FMNL2: variants seen among roughly 807,000 people sequenced by gnomAD.
FMNL2 encodes formin-like protein 2.
Under a neutral mutation model 130.2 loss-of-function variants are expected in FMNL2, and 51 were observed. The observed-to-expected ratio is 0.39, with a 90% CI of 0.31 to 0.49. The LOEUF (loss-of-function observed/expected upper bound fraction) is 0.49, where lower values mean the gene tolerates loss of function less well. FMNL2 is among the 20% of genes least tolerant of loss of function. FMNL2 has a pLI of 0.85. For synonymous variants in FMNL2, 465 were observed against 467.1 expected, an observed-to-expected ratio of 1.00 and a Z score of 0.06; for missense variants, 977 against 1,316.2, an observed-to-expected ratio of 0.74 and a Z score of 3.99.
intron 2 of FMNL2, among the ~76,000 whole-genome samples, chr2:152,531,807 C>T (rs1196145184): frequency 2.0e-5 from 3 of 152,116 alleles, no homozygotes; most frequent in Non-Finnish European, 4.4e-5. Flanking sequence ...TCACTGGAGC[C>T]TGGGTTTAAG....
At chr2:152,481,844 A>G (rs952101237) in intron 1 of FMNL2, among the ~76,000 whole-genome samples, 3 of 152,178 alleles carry the variant, frequency 2.0e-5, no homozygotes, top group Non-Finnish European at 4.4e-5. Context: ...GCTGATCGGG[A>G]AAATTAGTTG....
intron 21 of FMNL2, among the ~76,000 whole-genome samples, chr2:152,632,493 C>T (rs1024881652): frequency 6.6e-6 from 1 of 152,200 alleles, no homozygotes; most frequent in African/African-American, 2.4e-5. Context: ...TTGTGCCATT[C>T]TACTTGCTCA....
intron 1 of FMNL2, among the ~76,000 whole-genome samples, chr2:152,464,238 T>A (rs1689404327): frequency 6.6e-6 from 1 of 152,164 alleles, no homozygotes; most frequent in Non-Finnish European, 1.5e-5. Context: ...GCCCCCGCAC[T>A]CAGCCACTGA....
At chr2:152,640,666 TG>T in intron 24 of FMNL2, 124 bp from the exon 25 acceptor site, 2 of 1,183,016 alleles carry the variant, frequency 1.7e-6, no homozygotes, top group Non-Finnish European at 2.3e-6. Flanking sequence ...GAGCAGAATG[TG>T]GGATGTGTGT....
chr2:152,468,181 C>T (rs1689659333), intron 1 of FMNL2, among the ~76,000 whole-genome samples: 1 of 152,226 alleles, frequency 6.6e-6, no homozygotes, highest in African/African-American at 2.4e-5. Context: ...GACTTTATTA[C>T]AGCCCTTGAG....
chr2:152,435,493 C>A (rs141726838), intron 1 of FMNL2, among the ~76,000 whole-genome samples: 31 of 152,016 alleles, frequency 2.0e-4, no homozygotes, highest in African/African-American at 7.2e-4. Flanking sequence ...TACCTGCATA[C>A]CATTACTTAT....
intron 2 of FMNL2, among the ~76,000 whole-genome samples, chr2:152,532,146 G>T (rs1042307367): frequency 6.6e-6 from 1 of 152,102 alleles, no homozygotes; most frequent in Non-Finnish European, 1.5e-5. Context: ...TCCTGCAAAA[G>T]TATTAATTGA....
At chr2:152,578,690 C>A in intron 7 of FMNL2, 198 bp from the exon 8 acceptor site, 2 of 359,666 alleles carry the variant, frequency 5.6e-6, no homozygotes, top group Non-Finnish European at 1.0e-5. Context: ...AGGCACAAAT[C>A]ATTGCATCTG....
chr2:152,550,710 C>G (rs4664115), intron 4 of FMNL2, among the ~76,000 whole-genome samples: 84,287 of 152,034 alleles, frequency 0.55, 24,319 homozygotes, highest in Non-Finnish European at 0.64. Flanking sequence ...TTAGACTCAG[C>G]ACATTTAAAT....
rs1188391229 is a variant in FMNL2 at position 152,522,043 on chromosome 2, C to G, written c.201+17C>G. 1 of 1,586,022 alleles carries G rather than the reference C, an allele frequency of 6.3e-7. No homozygotes were observed. The highest frequency in any genetic ancestry group is 8.6e-7 in the Non-Finnish European group (1 of 1,163,964). ...TGTGATCAGGTAAGAAACAGTGACA[C>G]TTTCTTTTATGAAAAAAGTAATGAA... On this transcript the variant is annotated intron_variant, in intron 2 of 25. Coordinates refer to ENST00000288670, the MANE Select transcript of FMNL2 (RefSeq NM_052905.4).
At chr2:152,616,193 C>CA (rs1361249569) in intron 12 of FMNL2, among the ~76,000 whole-genome samples, 10 of 152,280 alleles carry the variant, frequency 6.6e-5, no homozygotes, top group African/African-American at 2.4e-4. Context: ...CTGTTTAACA[C>CA]ATGGCTCACC....
intron 1 of FMNL2, among the ~76,000 whole-genome samples, chr2:152,474,794 G>A (rs1690057389): frequency 6.6e-6 from 1 of 152,200 alleles, no homozygotes; most frequent in Non-Finnish European, 1.5e-5. Context: ...GGTCTGAATG[G>A]ACCTATGGAG....
intron 9 of FMNL2, among the ~76,000 whole-genome samples, chr2:152,602,358 T>G (rs1322844984): frequency 6.6e-6 from 1 of 152,242 alleles, no homozygotes; most frequent in Non-Finnish European, 1.5e-5. Flanking sequence ...GGGTACATAC[T>G]TTTCCAGGGC....
At chr2:152,516,512 T>TA (rs1692778335) in intron 1 of FMNL2, among the ~76,000 whole-genome samples, 1 of 152,198 alleles carries the variant, frequency 6.6e-6, no homozygotes, top group South Asian at 2.1e-4. Context: ...GTTCCTGTTA[T>TA]AAAATCTGGT....
intron 21 of FMNL2, among the ~76,000 whole-genome samples, chr2:152,635,391 C>T (rs1455199605): frequency 3.3e-5 from 5 of 152,368 alleles, no homozygotes; most frequent in South Asian, 2.1e-4. Context: ...GTTGTCTTCA[C>T]TGCTTTACAA....
At position 152,578,912 on chromosome 2, in the gene FMNL2, C is replaced by T. The variant is rs767869865; in HGVS notation, c.730C>T (p.His244Tyr). 6.2e-7 allele frequency: 1 copy of T among 1,613,278 alleles called. No homozygotes were observed. The highest frequency in any genetic ancestry group is 1.1e-5 in the South Asian group (1 of 90,908). The part of the protein sequence containing the change: ...YQYGFNMVMS[H>Y]PHAVNEIALS... Reference sequence around the variant, plus strand: ...GTATGGTTTCAACATGGTCATGTCTCATCCACACGCTGTCAATGAGATTGC... The same window carrying T: ...GTATGGTTTCAACATGGTCATGTCTTATCCACACGCTGTCAATGAGATTGC... Residue 244 changes from histidine (H) to tyrosine (Y), a missense_variant, in exon 8 of 26, where the codon CAT becomes TAT. This residue lies in a region of FMNL2 where 689 missense variants were observed against 995.9 expected (regional missense o/e 0.69). Coordinates refer to ENST00000288670, the MANE Select transcript of FMNL2 (RefSeq NM_052905.4).
At chr2:152,458,054 C>A (rs1689050836) in intron 1 of FMNL2, among the ~76,000 whole-genome samples, 1 of 152,140 alleles carries the variant, frequency 6.6e-6, no homozygotes, top group South Asian at 2.1e-4. Flanking sequence ...ATCATATCTG[C>A]AAAGTCTCCT....
chr2:152,379,377 A>G (rs1410272248), intron 1 of FMNL2, among the ~76,000 whole-genome samples: 1 of 152,186 alleles, frequency 6.6e-6, no homozygotes, highest in African/African-American at 2.4e-5. Flanking sequence ...AACTTCCTTT[A>G]AAACTACGGT....
intron 1 of FMNL2, among the ~76,000 whole-genome samples, chr2:152,494,925 T>A (rs1691418947): frequency 6.6e-6 from 1 of 152,198 alleles, no homozygotes; most frequent in Non-Finnish European, 1.5e-5. Context: ...TGCCAGGCCC[T>A]GTTATGCAGA....
Sources: allele counts gnomAD v4.1 joint callset (sites outside exome capture counted in the v4.1 genomes callset), GRCh38; gene constraint gnomAD v4.1.1; regional missense constraint gnomAD v4.1.1; transcripts MANE v1.5; gene names NCBI Gene and HGNC (gene_info 2026-07-23, HGNC 2026-07-21).